The following ZDHHC11B variants were observed in gnomAD, a reference collection of about 807,000 sequenced individuals.
ZDHHC11B encodes probable palmitoyltransferase ZDHHC11B.
In ZDHHC11B, 17 loss-of-function variants were observed where a neutral mutation model predicts 42.3. The ratio of observed to expected loss-of-function variants is 0.40; its 90% CI spans 0.27 to 0.60. The LOEUF (loss-of-function observed/expected upper bound fraction) is 0.60, where lower values mean the gene tolerates loss of function less well. ZDHHC11B is among the 20% of genes least tolerant of loss of function. ZDHHC11B has a pLI of 0.41. For missense variants in ZDHHC11B, 262 were observed against 463.2 expected (o/e 0.57, Z 3.99); for synonymous variants, 123 against 193.5 (o/e 0.64, Z 3.02).
chr5:760,359 C>T (rs531598189), intron 4 of ZDHHC11B, among the ~76,000 whole-genome samples: 2 of 151,710 alleles, frequency 1.3e-5, no homozygotes, highest in South Asian at 2.1e-4. Context: ...TTTACAAAAA[C>T]GGGAACCCAA....
chr5:730,501 TG>T, intron 11 of ZDHHC11B, 33 bp from the exon 12 acceptor site: 1 of 1,548,156 alleles, frequency 6.5e-7, no homozygotes, highest in Non-Finnish European at 8.6e-7. Context: ...ATTCTTAGGA[TG>T]AACAAAGACC....
At chr5:778,275 C>T (rs1468839633) in intron 1 of ZDHHC11B, among the ~76,000 whole-genome samples, 6 of 151,736 alleles carry the variant, frequency 4.0e-5, no homozygotes, top group Non-Finnish European at 7.4e-5. Context: ...GCTGGCTCAT[C>T]CCATCAACCA....
intron 13 of ZDHHC11B, among the ~76,000 whole-genome samples, chr5:712,924 G>C (rs1290277429): frequency 4.2e-5 from 5 of 119,758 alleles, no homozygotes; most frequent in Non-Finnish European, 7.1e-5. Flanking sequence ...ATATGTGTGT[G>C]TGTGTATATA....
At chr5:716,965 A>G in intron 12 of ZDHHC11B, 100 bp from the exon 13 acceptor site, 1 of 1,557,912 alleles carries the variant, frequency 6.4e-7, no homozygotes, top group Non-Finnish European at 8.8e-7. Flanking sequence ...AGTACATTTT[A>G]GAGATTAGCT....
chr5:762,047 C>T (rs1734696540), intron 4 of ZDHHC11B, among the ~76,000 whole-genome samples: 1 of 150,670 alleles, frequency 6.6e-6, no homozygotes. Flanking sequence ...ACTCACAGCC[C>T]TGGATGCCCA....
rs761952182 is a variant in ZDHHC11B, at chr5:718,346, C to T, written c.1059-1481G>A. On this transcript the variant is annotated intron_variant, in intron 12 of 13. Transcript: ENST00000508859. ...AATGAATTATTTGGAAACTCTGAAA[C>T]CTAGTCAGACATGTATGGGAGAGTG... Among the ~76,000 whole-genome samples, 60 of 151,696 alleles carry T rather than the reference C, an allele frequency of 4.0e-4. 1 individual carries two copies. Among genetic ancestry groups the T allele is most frequent in the Non-Finnish European group, 1.9e-4 (13 of 67,972 alleles).
intron 1 of ZDHHC11B, among the ~76,000 whole-genome samples, chr5:769,619 G>A (rs1374107109): frequency 5.3e-5 from 8 of 151,752 alleles, no homozygotes; most frequent in Admixed American, 1.3e-4. Flanking sequence ...CCGCGAGTGC[G>A]TTTCAAACCC....
chr5:712,737 G>A (rs556196919), intron 13 of ZDHHC11B, among the ~76,000 whole-genome samples: 4 of 151,468 alleles, frequency 2.6e-5, no homozygotes, highest in South Asian at 2.1e-4. Context: ...GTGAAACCCC[G>A]TCTCTACTAA....
rs890200625 is a variant in ZDHHC11B at position 766,051 on chromosome 5, A to G, written c.222+647T>C. Among the ~76,000 whole-genome samples the G allele has an allele frequency of 1.3e-4, 20 of 151,830 alleles. 1 individual carries two copies. Among genetic ancestry groups the G allele is most frequent in the Non-Finnish European group, 2.5e-4 (17 of 67,894 alleles). ...GTCCCCACACATCCATGTCTCAGTG[A>G]CCCTAGGGGGCCTGGGGTTTCTCAA... On this transcript the variant is annotated intron_variant, in intron 4 of 13. Coordinates refer to ENST00000508859, the MANE Select transcript of ZDHHC11B (RefSeq NM_001351303.2).
chr5:757,848 C>T (rs148527060), intron 4 of ZDHHC11B, among the ~76,000 whole-genome samples: 1 of 151,816 alleles, frequency 6.6e-6, no homozygotes. Flanking sequence ...CTAGGCAGTG[C>T]AGCAACGGGG....
intron 13 of ZDHHC11B, among the ~76,000 whole-genome samples, chr5:714,576 A>G (rs1741611025): frequency 9.2e-6 from 1 of 108,702 alleles, no homozygotes; most frequent in South Asian, 2.8e-4. Context: ...GCCTCATTCA[A>G]AAATAATGCA....
chr5:734,091 CCCA>C (rs914793720), intron 10 of ZDHHC11B, among the ~76,000 whole-genome samples: 7 of 142,508 alleles, frequency 4.9e-5, no homozygotes, highest in African/African-American at 1.6e-4. Context: ...AGTCCCTCCA[CCCA>C]CCGTGTGAGA....
intron 4 of ZDHHC11B, among the ~76,000 whole-genome samples, chr5:757,336 T>C (rs1697955): frequency 0.48 from 72,368 of 149,268 alleles, 12,613 homozygotes; most frequent in East Asian, 0.68. Context: ...GTGCTGGCCA[T>C]GTGCAAAAAG....
In ZDHHC11B at chr5:766,894, C is replaced by A. The variant is rs1439788548; in HGVS notation, c.26G>T (p.Cys9Phe). 1.2e-6 allele frequency: 2 copies of A among 1,612,294 alleles called. No homozygotes were observed. Among genetic ancestry groups the A allele is most frequent in the African/African-American group, 2.7e-5 (2 of 74,732 alleles). Residue 9 changes from cysteine to phenylalanine, a missense_variant, in exon 4 of 14, where the codon TGT becomes TTT. Coordinates refer to ENST00000508859, the MANE Select transcript of ZDHHC11B (RefSeq NM_001351303.2). ...GCGTATGGCTTCTGGGGTGACGGAA[C>A]ACTGGCTCCCGGAGCGGGTGTCCAT... MDTRSGSQ[C>F]SVTPEAIRNN...
At chr5:755,334 T>C (rs1733665360) in intron 5 of ZDHHC11B, among the ~76,000 whole-genome samples, 2 of 132,748 alleles carry the variant, frequency 1.5e-5, no homozygotes, top group African/African-American at 5.2e-5. Flanking sequence ...GCTGTGTCTG[T>C]GGCCGCCCTG....
chr5:752,327 G>T (rs1404915502), intron 6 of ZDHHC11B, among the ~76,000 whole-genome samples: 2 of 95,312 alleles, frequency 2.1e-5, no homozygotes, highest in African/African-American at 6.1e-5. Flanking sequence ...TGAGCCAAAA[G>T]CGATGTCCAT....
At chr5:721,371 T>C (rs976476677) in intron 12 of ZDHHC11B, among the ~76,000 whole-genome samples, 2 of 151,594 alleles carry the variant, frequency 1.3e-5, no homozygotes, top group African/African-American at 2.4e-5. Context: ...TTAAACATTA[T>C]ATATATAGAT....
At chr5:737,630 A>C (rs1168402825) in intron 10 of ZDHHC11B, among the ~76,000 whole-genome samples, 1 of 149,728 alleles carries the variant, frequency 6.7e-6, no homozygotes, top group African/African-American at 2.5e-5. Flanking sequence ...CATACCACGT[A>C]TGCAGGAATG....
chr5:771,636 C>T (rs1040336543), intron 1 of ZDHHC11B, among the ~76,000 whole-genome samples: 2 of 151,754 alleles, frequency 1.3e-5, no homozygotes, highest in Non-Finnish European at 2.9e-5. Context: ...TTCTCACAGG[C>T]CTGGCCTGTG....
Sources: allele counts gnomAD v4.1 joint callset (sites outside exome capture counted in the v4.1 genomes callset), GRCh38; gene constraint gnomAD v4.1.1; transcripts MANE v1.5; gene names NCBI Gene and HGNC (gene_info 2026-07-23, HGNC 2026-07-21).